The following NOS1AP variants were observed in gnomAD, a reference collection of about 807,000 sequenced individuals.
NOS1AP encodes nitric oxide synthase 1 adaptor protein.
A neutral mutation model predicts 56.2 loss-of-function variants in NOS1AP; 21 were observed. The ratio of observed to expected loss-of-function variants is 0.37; its 90% CI spans 0.26 to 0.54. The LOEUF is 0.54. NOS1AP is among the 20% of genes least tolerant of loss of function. NOS1AP has a pLI of 0.84. For missense variants in NOS1AP, 522 were observed against 657.8 expected, an observed-to-expected ratio of 0.79 and a Z score of 2.26; for synonymous variants, 270 against 274.6, an observed-to-expected ratio of 0.98 and a Z score of 0.17.
chr1:162,249,516 T>C (rs1308400230), intron 2 of NOS1AP, among the ~76,000 whole-genome samples: 1 of 152,206 alleles, frequency 6.6e-6, no homozygotes, highest in Non-Finnish European at 1.5e-5. Flanking sequence ...TGGTTTCCAG[T>C]GGCTAAGAGG....
intron 2 of NOS1AP, among the ~76,000 whole-genome samples, chr1:162,174,514 C>G (rs543383653): frequency 6.6e-6 from 1 of 152,124 alleles, no homozygotes; most frequent in African/African-American, 2.4e-5. Flanking sequence ...ACATATGTAA[C>G]AAACCTGCAC....
At chr1:162,092,648 T>C (rs1470294890) in intron 1 of NOS1AP, among the ~76,000 whole-genome samples, 1 of 152,204 alleles carries the variant, frequency 6.6e-6, no homozygotes, top group Non-Finnish European at 1.5e-5. Flanking sequence ...TGATTTATGC[T>C]CAATGTATAT....
chr1:162,101,936 T>C (rs1406561156), intron 1 of NOS1AP, among the ~76,000 whole-genome samples: 1 of 152,218 alleles, frequency 6.6e-6, no homozygotes, highest in Non-Finnish European at 1.5e-5. Context: ...CTTTATTTCT[T>C]TCTCTTGCCT....
At chr1:162,111,866 C>T (rs1266974648) in intron 1 of NOS1AP, among the ~76,000 whole-genome samples, 1 of 152,226 alleles carries the variant, frequency 6.6e-6, no homozygotes. Context: ...AAGAGTTGGA[C>T]TAGCTCATCT....
At chr1:162,257,401 C>A (rs1224624108) in intron 2 of NOS1AP, among the ~76,000 whole-genome samples, 1 of 152,110 alleles carries the variant, frequency 6.6e-6, no homozygotes, top group Non-Finnish European at 1.5e-5. Context: ...GTAATCCCAG[C>A]ACTTTGGGAG....
At chr1:162,176,901 G>A (rs567308589) in intron 2 of NOS1AP, among the ~76,000 whole-genome samples, 15 of 152,106 alleles carry the variant, frequency 9.9e-5, no homozygotes, top group Admixed American at 5.9e-4. Flanking sequence ...TGATGATTAC[G>A]AATAAAGCTG....
rs11429407 is a variant in NOS1AP, at chr1:162,273,160, C to CTTTTT, written c.178-14167_178-14163dup. ...CAGGACAACTCTGGAAGCCCTTGTTCTTTTTTTTTTTTTTTTTTTTTGAGA... is the reference window on the plus strand; with the variant it reads ...CAGGACAACTCTGGAAGCCCTTGTTCTTTTTTTTTTTTTTTTTTTTTTTTTTGAGA... On this transcript the variant is annotated intron_variant, in intron 2 of 9. Transcript: ENST00000361897. Among the ~76,000 whole-genome samples, 80 of 106,202 alleles carry CTTTTT rather than the reference C, an allele frequency of 7.5e-4. 2 individuals are homozygous for CTTTTT. The highest frequency in any genetic ancestry group is 2.6e-3 in the African/African-American group (68 of 26,092). The allele number at this position is 106,202 out of a possible 152,430, so 69.7% of individuals were successfully genotyped here. A position where few individuals can be genotyped will look rare whatever the true frequency, so the allele number is the denominator to read the frequency against.
intron 2 of NOS1AP, among the ~76,000 whole-genome samples, chr1:162,257,421 G>C (rs1268751485): frequency 6.6e-6 from 1 of 152,178 alleles, no homozygotes; most frequent in Non-Finnish European, 1.5e-5. Flanking sequence ...GACCAAGGTG[G>C]GTGGATCACC....
At chr1:162,216,337 T>C (rs1244555876) in intron 2 of NOS1AP, among the ~76,000 whole-genome samples, 1 of 152,078 alleles carries the variant, frequency 6.6e-6, no homozygotes, top group Admixed American at 6.6e-5. Context: ...GGACTGGAGG[T>C]TGTATTAGGA....
chr1:162,114,501 C>T (rs1647855039), intron 1 of NOS1AP, among the ~76,000 whole-genome samples: 1 of 152,148 alleles, frequency 6.6e-6, no homozygotes, highest in Admixed American at 6.5e-5. Context: ...GGGCCTTAAT[C>T]ACATCTGCAA....
intron 8 of NOS1AP, among the ~76,000 whole-genome samples, chr1:162,358,593 A>G (rs1380228878): frequency 6.6e-6 from 1 of 152,194 alleles, no homozygotes; most frequent in African/African-American, 2.4e-5. Context: ...AAATAAAAGA[A>G]TCCATCTCCT....
intron 2 of NOS1AP, among the ~76,000 whole-genome samples, chr1:162,180,521 G>A (rs557841303): frequency 5.8e-4 from 89 of 152,290 alleles, no homozygotes; most frequent in African/African-American, 2.0e-3. Flanking sequence ...TGGGATTATA[G>A]GCATGAGCCA....
intron 6 of NOS1AP, among the ~76,000 whole-genome samples, chr1:162,347,865 A>G (rs1389514912): frequency 1.3e-5 from 2 of 152,314 alleles, no homozygotes; most frequent in Non-Finnish European, 2.9e-5. Context: ...TCCCTCTGCC[A>G]TGGGTCCCTG....
In NOS1AP at chr1:162,370,004, T is replaced by C. The variant is rs559033602; in HGVS notation, c.*2537T>C. 6.6e-6 allele frequency: 1 copy of C among 152,520 alleles called. No individual in the cohort carries two copies. The highest frequency in any genetic ancestry group is 2.4e-5 in the African/African-American group (1 of 41,550). 9.4% of individuals were successfully genotyped at this position (152,520 alleles called of 1,614,324 possible). ...GCTAACTCAACTCTGCCTTCCTCTT[T>C]TTCATTCTTCTACTCTGCCCTATAT... On this transcript the variant is annotated 3_prime_UTR_variant, in exon 10 of 10. Coordinates refer to ENST00000361897, the MANE Select transcript of NOS1AP (RefSeq NM_014697.3).
intron 1 of NOS1AP, among the ~76,000 whole-genome samples, chr1:162,141,668 CTCTT>C (rs1558118943): frequency 1.3e-5 from 2 of 152,190 alleles, no homozygotes; most frequent in Non-Finnish European, 2.9e-5. Flanking sequence ...TTTTCTTGCT[CTCTT>C]TCTTTCCACC....
At chr1:162,166,999 C>T (rs565261422) in intron 2 of NOS1AP, among the ~76,000 whole-genome samples, 1 of 152,174 alleles carries the variant, frequency 6.6e-6, no homozygotes, top group Non-Finnish European at 1.5e-5. Context: ...TGAGCAGAGC[C>T]CTGCTGCCTC....
intron 2 of NOS1AP, among the ~76,000 whole-genome samples, chr1:162,217,894 G>A (rs1652636014): frequency 6.6e-6 from 1 of 152,174 alleles, no homozygotes; most frequent in African/African-American, 2.4e-5. Context: ...CACAGATACA[G>A]TGGTAGGAAT....
chr1:162,183,007 A>G (rs1035642494), intron 2 of NOS1AP, among the ~76,000 whole-genome samples: 2 of 152,280 alleles, frequency 1.3e-5, no homozygotes, highest in East Asian at 1.9e-4. Context: ...AAGGTTTTCA[A>G]TTTGCTTTGT....
At chr1:162,354,856 C>T (rs72700199) in intron 6 of NOS1AP, among the ~76,000 whole-genome samples, 25,450 of 152,238 alleles carry the variant, frequency 0.17, 2,706 homozygotes, top group Non-Finnish European at 0.23. Flanking sequence ...TGACTGCTTC[C>T]GTTCCTGAGC....
Sources: gnomAD v4.1 joint callset for allele counts (sites outside exome capture counted in the v4.1 genomes callset) on GRCh38, gnomAD v4.1.1 for gene constraint, MANE v1.5 for transcripts, NCBI Gene and HGNC (gene_info 2026-07-23, HGNC 2026-07-21) for gene names.